The following HDAC9 variants were observed in gnomAD, a reference collection of about 807,000 sequenced individuals.
The protein encoded by HDAC9 is histone deacetylase 9.
In HDAC9, 41 loss-of-function variants were observed where a neutral mutation model predicts 139.4. The ratio of observed to expected loss-of-function variants is 0.29; its 90% CI spans 0.23 to 0.38. The LOEUF is 0.38. HDAC9 is among the 10% of genes least tolerant of loss of function. HDAC9 has a pLI of 1.00. For synonymous variants in HDAC9, 517 were observed against 476.2 expected (o/e 1.09, Z -1.12); for missense variants, 1,147 against 1,297.0 (o/e 0.88, Z 1.78).
At chr7:18,138,586 G>C (rs1004650028) in intron 1 of HDAC9, among the ~76,000 whole-genome samples, 2 of 149,036 alleles carry the variant, frequency 1.3e-5, no homozygotes, top group Admixed American at 6.7e-5. Context: ...TTAGTTATTT[G>C]GGTTTTGGCT....
At chr7:18,724,016 T>C (rs1313013141) in intron 12 of HDAC9, among the ~76,000 whole-genome samples, 1 of 152,208 alleles carries the variant, frequency 6.6e-6, no homozygotes, top group Non-Finnish European at 1.5e-5. Context: ...GGAAAGATCA[T>C]GTTACACACA....
intron 1 of HDAC9, among the ~76,000 whole-genome samples, chr7:18,432,545 A>G (rs1459684206): frequency 1.3e-5 from 2 of 152,234 alleles, no homozygotes; most frequent in Non-Finnish European, 2.9e-5. Flanking sequence ...CCTTTGTTAA[A>G]GCATTCTCAT....
intron 2 of HDAC9, among the ~76,000 whole-genome samples, chr7:18,268,709 A>AT (rs1796156802): frequency 6.6e-6 from 1 of 152,038 alleles, no homozygotes; most frequent in Non-Finnish European, 1.5e-5. Flanking sequence ...GCCCTTGTTT[A>AT]TTTTCCAAGC....
intron 8 of HDAC9, among the ~76,000 whole-genome samples, chr7:18,641,065 A>G (rs1006234139): frequency 1.7e-4 from 26 of 152,126 alleles, no homozygotes; most frequent in African/African-American, 6.3e-4. Context: ...GGCAGTTGAC[A>G]TTGTCCATTT....
At chr7:18,533,598 T>C (rs760055673) in intron 2 of HDAC9, among the ~76,000 whole-genome samples, 37 of 152,218 alleles carry the variant, frequency 2.4e-4, no homozygotes, top group Admixed American at 2.0e-4. Flanking sequence ...CTTTTTAGAA[T>C]CTTCTCTTTA....
intron 2 of HDAC9, chr7:18,517,993 C>T (rs921532662): frequency 8.0e-5 from 12 of 149,926 alleles, no homozygotes; most frequent in African/African-American, 2.7e-4. Flanking sequence ...CTCACACTTA[C>T]AGTTATACAG....
At chr7:18,128,740 A>T (rs1784826325) in intron 1 of HDAC9, among the ~76,000 whole-genome samples, 1 of 152,136 alleles carries the variant, frequency 6.6e-6, no homozygotes, top group African/African-American at 2.4e-5. Context: ...GTTAGGGAAG[A>T]TAGCTTCTTA....
intron 8 of HDAC9, among the ~76,000 whole-genome samples, chr7:18,641,883 C>G (rs1010340422): frequency 6.6e-6 from 1 of 152,048 alleles, no homozygotes; most frequent in Non-Finnish European, 1.5e-5. Flanking sequence ...GCAGTGTAGA[C>G]TATGGCTCCA....
At chr7:18,545,516 C>T (rs1034244709) in intron 2 of HDAC9, among the ~76,000 whole-genome samples, 1 of 151,948 alleles carries the variant, frequency 6.6e-6, no homozygotes, top group Non-Finnish European at 1.5e-5. Flanking sequence ...ATCTTTTGGC[C>T]TAGGGGGTGT....
intron 1 of HDAC9, among the ~76,000 whole-genome samples, chr7:18,319,357 A>G (rs1042355302): frequency 1.3e-5 from 2 of 152,214 alleles, no homozygotes; most frequent in African/African-American, 4.8e-5. Context: ...GCAGTTTAAA[A>G]TTAGGCACAA....
intron 2 of HDAC9, among the ~76,000 whole-genome samples, chr7:18,547,001 C>T (rs1815076275): frequency 1.3e-5 from 2 of 152,182 alleles, no homozygotes; most frequent in Non-Finnish European, 2.9e-5. Context: ...GGCTGACTTA[C>T]CTTATTCAGC....
intron 2 of HDAC9, among the ~76,000 whole-genome samples, chr7:18,512,037 T>A (rs1290156203): frequency 5.0e-5 from 7 of 140,162 alleles, no homozygotes; most frequent in African/African-American, 1.1e-4. Context: ...AAAAAAAAAA[T>A]CTTCTCATTA....
chr7:18,626,139 C>T (rs1229321439), intron 6 of HDAC9, among the ~76,000 whole-genome samples: 1 of 151,804 alleles, frequency 6.6e-6, no homozygotes, highest in Non-Finnish European at 1.5e-5. Flanking sequence ...GGAGGTCATT[C>T]CCACAAAGAA....
chr7:18,480,297 T>A (rs1795453828), intron 1 of HDAC9, among the ~76,000 whole-genome samples: 1 of 151,882 alleles, frequency 6.6e-6, no homozygotes, highest in Non-Finnish European at 1.5e-5. Flanking sequence ...GAAATTAGAG[T>A]GCTGTGTGGT....
At chr7:18,277,345 A>G (rs1324799990) in intron 2 of HDAC9, among the ~76,000 whole-genome samples, 1 of 152,154 alleles carries the variant, frequency 6.6e-6, no homozygotes, top group Admixed American at 6.5e-5. Flanking sequence ...TAAAAAGTGC[A>G]TGTGCCTTTA....
At chr7:18,098,380 A>G (rs1483096626) in intron 1 of HDAC9, among the ~76,000 whole-genome samples, 1 of 152,238 alleles carries the variant, frequency 6.6e-6, no homozygotes, top group Non-Finnish European at 1.5e-5. Context: ...TATCTATGCA[A>G]ATAAGTTGAA....
intron 2 of HDAC9, among the ~76,000 whole-genome samples, chr7:18,521,648 G>A (rs1805071786): frequency 6.6e-6 from 1 of 151,918 alleles, no homozygotes; most frequent in Admixed American, 6.6e-5. Context: ...CTCAAGATAC[G>A]TTCAATTCAG....
intron 1 of HDAC9, among the ~76,000 whole-genome samples, chr7:18,089,209 A>AT (rs11463784): frequency 0.26 from 38,104 of 149,342 alleles, 5,313 homozygotes; most frequent in Non-Finnish European, 0.32. Flanking sequence ...TAGGAGACAG[A>AT]TTTTTTTTTT....
At chr7:18,611,007 A>G (rs1008555258) in intron 6 of HDAC9, among the ~76,000 whole-genome samples, 2 of 152,200 alleles carry the variant, frequency 1.3e-5, no homozygotes, top group African/African-American at 2.4e-5. Context: ...TAACAACACA[A>G]TAGAGTCATG....
Sources: gnomAD v4.1 joint callset for allele counts (sites outside exome capture counted in the v4.1 genomes callset) on GRCh38, gnomAD v4.1.1 for gene constraint, MANE v1.5 for transcripts, NCBI Gene and HGNC (gene_info 2026-07-23, HGNC 2026-07-21) for gene names.